Variants in FYN observed in about 807,000 individuals in gnomAD.
The protein encoded by FYN is tyrosine-protein kinase Fyn.
A neutral mutation model predicts 70.2 loss-of-function variants in FYN; 10 were observed. That is an observed-to-expected ratio of 0.14 (90% CI 0.09 to 0.24). FYN has a LOEUF of 0.24. Among genes scored for constraint, FYN ranks in the 10% least tolerant of loss-of-function variants. The pLI is 1.00. For synonymous variants in FYN, 236 were observed against 248.6 expected (o/e 0.95, Z 0.48); for missense variants, 319 against 673.1 (o/e 0.47, Z 5.82).
chr6:111,777,197 G>T (rs901724665), intron 3 of FYN, among the ~76,000 whole-genome samples: 13 of 152,248 alleles, frequency 8.5e-5, no homozygotes, highest in African/African-American at 3.1e-4. Context: ...AGCCGTCAGA[G>T]GCCCATCTGT....
At chr6:111,815,535 T>G (rs112484498) in intron 2 of FYN, among the ~76,000 whole-genome samples, 13 of 152,154 alleles carry the variant, frequency 8.5e-5, no homozygotes, top group African/African-American at 2.9e-4. Flanking sequence ...AATAACTAAG[T>G]ATACACATTT....
At chr6:111,764,602 A>C (rs919764252) in intron 3 of FYN, among the ~76,000 whole-genome samples, 1 of 152,180 alleles carries the variant, frequency 6.6e-6, no homozygotes, top group Non-Finnish European at 1.5e-5. Flanking sequence ...GATTTAGTAG[A>C]ATAAGAACTA....
intron 3 of FYN, among the ~76,000 whole-genome samples, chr6:111,738,890 C>T (rs185970746): frequency 3.4e-4 from 51 of 152,140 alleles, no homozygotes; most frequent in African/African-American, 1.0e-3. Context: ...CTTGGTGGGG[C>T]GGGGAGGGGC....
At chr6:111,861,330 G>A (rs1223920092) in intron 1 of FYN, among the ~76,000 whole-genome samples, 2 of 152,168 alleles carry the variant, frequency 1.3e-5, no homozygotes, top group South Asian at 2.1e-4. Flanking sequence ...TGAGCAGAAT[G>A]AATAAATACA....
At chr6:111,797,665 C>CATATATATATATAT (rs57984132) in intron 2 of FYN, among the ~76,000 whole-genome samples, 12 of 90,916 alleles carry the variant, frequency 1.3e-4, no homozygotes, top group South Asian at 4.3e-4. Flanking sequence ...ATCAAAGTTT[C>CATATATATATATAT]ATATATATAT....
intron 2 of FYN, among the ~76,000 whole-genome samples, chr6:111,842,736 G>A (rs1176214682): frequency 6.6e-6 from 1 of 152,188 alleles, no homozygotes; most frequent in Non-Finnish European, 1.5e-5. Flanking sequence ...TCCTGATGCG[G>A]CCTCAAATTT....
At chr6:111,695,324 T>C (rs756538671) in intron 10 of FYN, among the ~76,000 whole-genome samples, 2 of 152,148 alleles carry the variant, frequency 1.3e-5, no homozygotes, top group Non-Finnish European at 2.9e-5. Flanking sequence ...CTGAAGAATA[T>C]GGGTGGGGCA....
chr6:111,830,061 A>G (rs1214428152), intron 2 of FYN, among the ~76,000 whole-genome samples: 1 of 152,156 alleles, frequency 6.6e-6, no homozygotes, highest in Non-Finnish European at 1.5e-5. Flanking sequence ...TTATTGAACT[A>G]CTGACTCAAT....
At chr6:111,708,611 G>A (rs1800222408) in intron 5 of FYN, among the ~76,000 whole-genome samples, 1 of 152,204 alleles carries the variant, frequency 6.6e-6, no homozygotes, top group Non-Finnish European at 1.5e-5. Flanking sequence ...CAGGTAGAAT[G>A]ATGCTACAGT....
chr6:111,797,540 A>G (rs1771843337), intron 2 of FYN, among the ~76,000 whole-genome samples: 1 of 151,354 alleles, frequency 6.6e-6, no homozygotes, highest in Non-Finnish European at 1.5e-5. Flanking sequence ...GTAATAGGAT[A>G]GTGAATGGTT....
rs781575840 is a variant in FYN, at chr6:111,704,015, C to T, written c.531G>A (p.Glu177=). The T allele has an allele frequency of 1.2e-6, 2 of 1,613,708 alleles. No homozygotes were observed. Among genetic ancestry groups the T allele is most frequent in the East Asian group, 2.2e-5 (1 of 44,894 alleles). The change falls in exon 7 of 14, where the codon GAG becomes GAA. Residue 177 remains glutamate, a synonymous_variant. Transcript: ENST00000354650. ...GNPRGTFLIR[E]SETTKGAYSL... is the part of the protein sequence containing the mutation. ...TTATCTTACCTTTGGTGGTTTCACT[C>T]TCGCGGATAAGAAAGGTACCTCTTG... is the stretch of plus-strand genomic sequence containing the variant.
At chr6:111,675,127 G>A (rs1284040054) in intron 12 of FYN, among the ~76,000 whole-genome samples, 1 of 152,086 alleles carries the variant, frequency 6.6e-6, no homozygotes, top group Non-Finnish European at 1.5e-5. Context: ...CCACAGCAGG[G>A]AAAGGAATCT....
chr6:111,679,795 T>G (rs1798708813), intron 12 of FYN, among the ~76,000 whole-genome samples: 1 of 152,142 alleles, frequency 6.6e-6, no homozygotes, highest in African/African-American at 2.4e-5. Context: ...TGTGTTCAGA[T>G]CCCCTTTGGG....
chr6:111,837,276 G>GC (rs1374001092), intron 2 of FYN, among the ~76,000 whole-genome samples: 11 of 152,052 alleles, frequency 7.2e-5, no homozygotes, highest in Non-Finnish European at 1.3e-4. Context: ...AGAAAAAAAT[G>GC]TTTTTTCCCT....
intron 3 of FYN, among the ~76,000 whole-genome samples, chr6:111,720,442 G>A (rs1189197702): frequency 6.6e-6 from 1 of 152,180 alleles, no homozygotes; most frequent in African/African-American, 2.4e-5. Context: ...TCTGTAGAAT[G>A]AGTCTATGCA....
chr6:111,803,636 G>A (rs143003726), intron 2 of FYN, among the ~76,000 whole-genome samples: 1 of 152,200 alleles, frequency 6.6e-6, no homozygotes, highest in East Asian at 1.9e-4. Context: ...TGGGGCATGG[G>A]GGTGTGGGGT....
At chr6:111,773,627 A>AGAGGGGGAAG (rs1803585943) in intron 3 of FYN, among the ~76,000 whole-genome samples, 2 of 13,996 alleles carry the variant, frequency 1.4e-4, no homozygotes, top group Admixed American at 1.2e-3. Flanking sequence ...AGAGGGGGAA[A>AGAGGGGGAAG]GGAGAGGGGG....
intron 3 of FYN, among the ~76,000 whole-genome samples, chr6:111,728,700 G>T (rs1801303633): frequency 6.6e-6 from 1 of 152,168 alleles, no homozygotes; most frequent in South Asian, 2.1e-4. Flanking sequence ...ATGGCTAAAA[G>T]ATATTCTACT....
At chr6:111,730,768 T>C (rs1562494870) in intron 3 of FYN, among the ~76,000 whole-genome samples, 1 of 152,214 alleles carries the variant, frequency 6.6e-6, no homozygotes. Context: ...AGAAGAGATG[T>C]TTCTTCCTGA....
Sources: gnomAD v4.1 joint callset for allele counts (sites outside exome capture counted in the v4.1 genomes callset) on GRCh38, gnomAD v4.1.1 for gene constraint, MANE v1.5 for transcripts, NCBI Gene and HGNC (gene_info 2026-07-23, HGNC 2026-07-21) for gene names.